The following AFF2 variants were observed in gnomAD, a reference collection of about 807,000 sequenced individuals.
AFF2 encodes the protein AF4/FMR2 family member 2.
A neutral mutation model predicts 76.9 loss-of-function variants in AFF2; 14 were observed. The ratio of observed to expected loss-of-function variants is 0.18; its 90% CI spans 0.12 to 0.28. The LOEUF (loss-of-function observed/expected upper bound fraction) is 0.28. Among genes scored for constraint, AFF2 ranks in the 10% least tolerant of loss-of-function variants. The pLI, the probability that AFF2 is intolerant of heterozygous loss-of-function variation, is 1.00. For missense variants in AFF2, 868 were observed against 1,001.1 expected, an observed-to-expected ratio of 0.87 and a Z score of 1.79; for synonymous variants, 398 against 366.7, an observed-to-expected ratio of 1.09 and a Z score of -0.98.
intron 3 of AFF2, among the ~76,000 whole-genome samples, chrX:148,757,546 T>A (rs2069388486): frequency 9.0e-6 from 1 of 111,264 alleles, no homozygotes; most frequent in African/African-American, 3.3e-5. Context: ...AGGTGCCCAG[T>A]GAATGAGAGT....
intron 1 of AFF2, among the ~76,000 whole-genome samples, chrX:148,613,205 T>C (rs1310693498): frequency 1.8e-5 from 2 of 112,158 alleles, no homozygotes; most frequent in Non-Finnish European, 3.8e-5. Context: ...AAGGCTCAAG[T>C]GGCCTATTGT....
chrX:148,682,901 A>G (rs781899683), intron 3 of AFF2, among the ~76,000 whole-genome samples: 16 of 111,659 alleles, frequency 1.4e-4, no homozygotes, highest in African/African-American at 5.2e-4. Flanking sequence ...TTGGTAGAGT[A>G]TATCAGGGAA....
At chrX:148,778,378 G>A (rs2069695350) in intron 3 of AFF2, among the ~76,000 whole-genome samples, 1 of 111,740 alleles carries the variant, frequency 8.9e-6, no homozygotes, top group Non-Finnish European at 1.9e-5. Context: ...GAATGAGTTA[G>A]GGAGGAGTCC....
intron 9 of AFF2, among the ~76,000 whole-genome samples, chrX:148,926,443 T>C (rs1484263477): frequency 6.3e-5 from 7 of 111,821 alleles, no homozygotes; most frequent in African/African-American, 9.8e-5. Flanking sequence ...ATGAGCTCCC[T>C]CTCCACCAAT....
At chrX:148,887,227 T>G (rs892167048) in intron 8 of AFF2, among the ~76,000 whole-genome samples, 3 of 112,873 alleles carry the variant, frequency 2.7e-5, no homozygotes, top group Non-Finnish European at 5.6e-5. Flanking sequence ...CCCAAGGGCT[T>G]GCTGTACATT....
intron 9 of AFF2, among the ~76,000 whole-genome samples, chrX:148,924,007 T>C (rs1424489339): frequency 8.9e-6 from 1 of 112,070 alleles, no homozygotes; most frequent in African/African-American, 3.2e-5. Flanking sequence ...GCTTAAACTC[T>C]GGCAGTTCCC....
At chrX:148,691,102 G>A (rs1186231543) in intron 3 of AFF2, among the ~76,000 whole-genome samples, 8 of 111,763 alleles carry the variant, frequency 7.2e-5, no homozygotes, top group African/African-American at 2.6e-4. Flanking sequence ...ATATGAATTG[G>A]AAGGGGGCAC....
At chrX:148,513,003 C>T (rs1557233315) in intron 1 of AFF2, among the ~76,000 whole-genome samples, 1 of 111,671 alleles carries the variant, frequency 9.0e-6, no homozygotes, top group East Asian at 2.8e-4. Context: ...ACTACCACAT[C>T]TACAGTGAGG....
intron 8 of AFF2, among the ~76,000 whole-genome samples, chrX:148,891,225 A>G (rs782029668): frequency 7.2e-5 from 8 of 111,159 alleles, no homozygotes; most frequent in Non-Finnish European, 1.3e-4. Context: ...GGAATATGTT[A>G]TGTTCTCTGT....
chrX:148,805,306 G>C (rs782308442), intron 3 of AFF2, among the ~76,000 whole-genome samples: 296 of 111,493 alleles, frequency 2.7e-3, no homozygotes, highest in Middle Eastern at 4.6e-3. Flanking sequence ...AATATGCCTA[G>C]ACTAGTGGAC....
chrX:148,843,099 GAAC>G (rs1393346459), intron 6 of AFF2, 97 bp downstream of exon 6: 11 of 675,934 alleles, frequency 1.6e-5, no homozygotes, highest in Admixed American at 3.3e-5. Flanking sequence ...AAACATGAAA[GAAC>G]AACAATAACA....
At chrX:148,732,315 A>G (rs2055230587) in intron 3 of AFF2, among the ~76,000 whole-genome samples, 2 of 99,223 alleles carry the variant, frequency 2.0e-5, no homozygotes, top group African/African-American at 7.6e-5. Flanking sequence ...TCAGTAAACT[A>G]TCGCAAGAAC....
intron 1 of AFF2, among the ~76,000 whole-genome samples, chrX:148,618,202 A>G (rs1430292742): frequency 9.0e-6 from 1 of 111,548 alleles, no homozygotes; most frequent in African/African-American, 3.3e-5. Flanking sequence ...CCTAAGGGAC[A>G]GTTGAGGTTT....
chrX:148,908,646 A>G (rs1399850477), intron 9 of AFF2, among the ~76,000 whole-genome samples: 1 of 112,209 alleles, frequency 8.9e-6, no homozygotes, highest in African/African-American at 3.2e-5. Context: ...AATTGTGTAC[A>G]GTTTTACTGG....
At chrX:148,971,776 T>G (rs1557289614) in intron 15 of AFF2, among the ~76,000 whole-genome samples, 4 of 85,473 alleles carry the variant, frequency 4.7e-5, no homozygotes, top group African/African-American at 1.8e-4. Context: ...TTTTAATGTT[T>G]TTTTTTTTTA....
At chrX:148,607,271 T>G (rs1480150057) in intron 1 of AFF2, among the ~76,000 whole-genome samples, 2 of 111,396 alleles carry the variant, frequency 1.8e-5, no homozygotes, top group Middle Eastern at 4.7e-3. Context: ...CCTGTGATGT[T>G]GTTTTGCTGT....
intron 1 of AFF2, among the ~76,000 whole-genome samples, chrX:148,568,997 G>T (rs2053199746): frequency 9.0e-6 from 1 of 111,293 alleles, no homozygotes. Context: ...GGTATGAAAA[G>T]CTCATGATTT....
Position 148,706,826 on chromosome X carries a change from A to G in AFF2, c.1041+44058A>G, listed in dbSNP as rs782384873. Among the ~76,000 whole-genome samples, 3 of 112,729 alleles carry G rather than the reference A, an allele frequency of 2.7e-5. No homozygotes were observed. In the South Asian group the frequency reaches 1.1e-3, roughly 41 times the overall value. On this transcript the variant is annotated intron_variant, in intron 3 of 20. Coordinates refer to ENST00000370460, the MANE Select transcript of AFF2 (RefSeq NM_002025.4). ...GCCAATTTAAAAAGTCATTGTCTGC[A>G]AATGTTTTGACTGAGTTGTGCCTAA...
intron 3 of AFF2, among the ~76,000 whole-genome samples, chrX:148,673,297 A>G (rs1557259236): frequency 8.9e-6 from 1 of 112,156 alleles, no homozygotes; most frequent in Non-Finnish European, 1.9e-5. Flanking sequence ...CAAGAGATTT[A>G]TTTGCTCACA....
Sources: gnomAD v4.1 joint callset for allele counts (sites outside exome capture counted in the v4.1 genomes callset) on GRCh38, gnomAD v4.1.1 for gene constraint, MANE v1.5 for transcripts, NCBI Gene and HGNC (gene_info 2026-07-23, HGNC 2026-07-21) for gene names.